Variants in SLC66A2 observed in about 807,000 individuals in gnomAD.
SLC66A2 encodes PQ loop repeat containing 1.
A neutral mutation model predicts 25.5 loss-of-function variants in SLC66A2; 23 were observed. That is an observed-to-expected ratio of 0.90 (90% CI 0.65 to 1.28). SLC66A2 has a LOEUF of 1.28. SLC66A2 is among the 50% of genes most tolerant of loss of function. The probability of loss-of-function intolerance (pLI) is 0.00; values close to 1 mark genes in which losing one functional copy is unlikely to be tolerated. For missense variants in SLC66A2, 396 were observed against 373.1 expected (o/e 1.06, Z -0.51); for synonymous variants, 193 against 166.5 (o/e 1.16, Z -1.23).
chr18:79,905,013 C>T (rs1444252505), intron 5 of SLC66A2, among the ~76,000 whole-genome samples: 1 of 152,138 alleles, frequency 6.6e-6, no homozygotes, highest in Non-Finnish European at 1.5e-5. Flanking sequence ...ACCTGGGTGC[C>T]GTAGCCGCCC....
In SLC66A2 at chr18:79,950,999, C is replaced by T. The variant is rs954182066; in HGVS notation, c.-73G>A. 1 of 1,196,014 alleles carries T rather than the reference C, an allele frequency of 8.4e-7. No individual in the cohort carries two copies. The highest frequency in any genetic ancestry group is 1.1e-6 in the Non-Finnish European group (1 of 911,828). The allele number at this position is 1,196,014 out of a possible 1,614,324, so 74.1% of individuals were successfully genotyped here. On this transcript the variant is annotated 5_prime_UTR_variant, in exon 2 of 6. Transcript: ENST00000397778. Reference sequence around the variant, plus strand: ...GCCACCGGCCGCCTGCTCATCGCCGCTCCGCGCGCTCCTGCGGCCTCGGGG... The same window carrying T: ...GCCACCGGCCGCCTGCTCATCGCCGTTCCGCGCGCTCCTGCGGCCTCGGGG...
rs1334041551 is a variant in SLC66A2 at position 79,917,811 on chromosome 18, C to A, written c.608+1373G>T. ...TTCACTGTAATCACACCAACCAGGGCAGCCCAATCCCCACCTGCACCCCAC... is the reference window on the plus strand; with the variant it reads ...TTCACTGTAATCACACCAACCAGGGAAGCCCAATCCCCACCTGCACCCCAC... On this transcript the variant is annotated intron_variant, in intron 5 of 5. Coordinates refer to ENST00000397778, the MANE Select transcript of SLC66A2 (RefSeq NM_025078.5). The surrounding 1 kb of genome is among the most constrained non-coding windows in gnomAD (Gnocchi z 6.0). 2.0e-5 allele frequency among the ~76,000 whole-genome samples: 3 copies of A among 151,868 alleles called. No individual in the cohort carries two copies. Among genetic ancestry groups the A allele is most frequent in the African/African-American group, 7.3e-5 (3 of 41,312 alleles).
intron 2 of SLC66A2, chr18:79,943,724 G>A (rs1987920372): frequency 4.9e-6 from 2 of 410,464 alleles, no homozygotes; most frequent in Non-Finnish European, 8.8e-6. Context: ...CAGCAGGAAA[G>A]ATCCTGTGTC....
rs1173508969 is a variant in SLC66A2, at chr18:79,904,406, C to G, written c.609-223G>C. On this transcript the variant is annotated intron_variant, in intron 5 of 5. Transcript: ENST00000397778. The surrounding 1 kb of genome is among the most constrained non-coding windows in gnomAD (Gnocchi z 6.3). Reference sequence around the variant, plus strand: ...AGGGTGACCCAGGGGTCAGGGACACCCCAGGGGGCCAAAGGACACACCCTG... The same window carrying G: ...AGGGTGACCCAGGGGTCAGGGACACGCCAGGGGGCCAAAGGACACACCCTG... Among the ~76,000 whole-genome samples the G allele has an allele frequency of 6.6e-6, 1 of 151,882 alleles. No individual in the cohort carries two copies. The highest frequency in any genetic ancestry group is 1.5e-5 in the Non-Finnish European group (1 of 67,908).
At chr18:79,924,663 T>G (rs1482571608) in intron 4 of SLC66A2, among the ~76,000 whole-genome samples, 2 of 152,234 alleles carry the variant, frequency 1.3e-5, no homozygotes, top group East Asian at 3.8e-4. Context: ...AATAGAAAAT[T>G]TTAATGTATG....
At position 79,919,291 on chromosome 18, in the gene SLC66A2, G is replaced by A. The variant is rs367755489; in HGVS notation, c.501C>T (p.Ser167=). Residue 167 remains serine, a synonymous_variant, in exon 5 of 6, where the codon TCC becomes TCT. Transcript: ENST00000397778. ...AGYITYLSID[S]ALFVETLGFL... is the part of the protein sequence containing the mutation. ...AGCCCAGGGTCTCCACAAACAGGGC[G>A]GAGTCAATGGACAGGTAGGTGATGT... is the stretch of plus-strand genomic sequence containing the variant. The A allele has an allele frequency of 1.7e-5, 28 of 1,613,190 alleles. No homozygotes were observed. Among genetic ancestry groups the A allele is most frequent in the African/African-American group, 6.7e-5 (5 of 74,952 alleles).
At chr18:79,906,691 G>T (rs1982172352) in intron 5 of SLC66A2, among the ~76,000 whole-genome samples, 1 of 152,220 alleles carries the variant, frequency 6.6e-6, no homozygotes, top group Non-Finnish European at 1.5e-5. Context: ...ACGTTCACTT[G>T]GCTGTTGATG....
chr18:79,915,858 T>A (rs1430433161), intron 5 of SLC66A2: 1 of 152,788 alleles, frequency 6.5e-6, no homozygotes, highest in African/African-American at 2.4e-5. Context: ...CAAAGGACCA[T>A]GACCCCGGCT....
At chr18:79,942,481 C>T (rs1166551754) in intron 3 of SLC66A2, among the ~76,000 whole-genome samples, 2 of 152,170 alleles carry the variant, frequency 1.3e-5, no homozygotes, top group African/African-American at 4.8e-5. Context: ...GGAATAGAAA[C>T]ACAGGGACAC....
Position 79,913,496 on chromosome 18 carries a change from A to C in SLC66A2, c.608+5688T>G, listed in dbSNP as rs1388980891. Among the ~76,000 whole-genome samples the C allele has an allele frequency of 2.6e-5, 4 of 152,272 alleles. No homozygotes were observed. In the East Asian group the frequency reaches 7.7e-4, roughly 29 times the overall value. ...TTATCACATCTCATTACTGGTTCAGAAACTACAACCACGTAGTATTTTCTA... is the reference window on the plus strand; with the variant it reads ...TTATCACATCTCATTACTGGTTCAGCAACTACAACCACGTAGTATTTTCTA... On this transcript the variant is annotated intron_variant, in intron 5 of 5. Coordinates refer to ENST00000397778, the MANE Select transcript of SLC66A2 (RefSeq NM_025078.5).
In SLC66A2 at chr18:79,918,442, A is replaced by G. The variant is rs1284583716; in HGVS notation, c.608+742T>C. On this transcript the variant is annotated intron_variant, in intron 5 of 5. Transcript: ENST00000397778. This position sits in a 1 kb window ranked among gnomAD's most constrained non-coding sequence, Gnocchi z 4.0. Reference sequence around the variant, plus strand: ...GCCCGGGGGGGGGTCCCCAGTGAGGAGCGGGCACCGGGGAGGGTCCCCAGT... The same window carrying G: ...GCCCGGGGGGGGGTCCCCAGTGAGGGGCGGGCACCGGGGAGGGTCCCCAGT... Among the ~76,000 whole-genome samples, 16 of 127,210 alleles carry G rather than the reference A, an allele frequency of 1.3e-4. No individual in the cohort carries two copies. Among genetic ancestry groups the G allele is most frequent in the East Asian group, 2.3e-4 (1 of 4,402 alleles). 83.5% of individuals were successfully genotyped at this position (127,210 alleles called of 152,430 possible).
rs142298803 is a variant in SLC66A2 at position 79,903,032 on chromosome 18, G to C, written c.*944C>G. The C allele has an allele frequency of 3.3e-5, 5 of 151,106 alleles. No homozygotes were observed. The highest frequency in any genetic ancestry group is 7.4e-5 in the Non-Finnish European group (5 of 67,982). The allele number at this position is 151,106 out of a possible 1,614,324, so 9.4% of individuals were successfully genotyped here. On this transcript the variant is annotated 3_prime_UTR_variant, in exon 6 of 6. Transcript: ENST00000397778. ...AGGCGCCATCGGCCAGGACCTGCACGGCAGGGGCAGCCCCCTCCACTCCCT... is the reference window on the plus strand; with the variant it reads ...AGGCGCCATCGGCCAGGACCTGCACCGCAGGGGCAGCCCCCTCCACTCCCT...
chr18:79,939,860 G>A (rs1434720480), intron 3 of SLC66A2, among the ~76,000 whole-genome samples: 1 of 152,246 alleles, frequency 6.6e-6, no homozygotes, highest in East Asian at 1.9e-4. Context: ...CAACAATCCC[G>A]GTACTGGGTA....
At chr18:79,924,650 C>T (rs147367754) in intron 4 of SLC66A2, among the ~76,000 whole-genome samples, 7 of 152,072 alleles carry the variant, frequency 4.6e-5, no homozygotes, top group East Asian at 3.9e-4. Context: ...GAATGCATAA[C>T]GAAATAGAAA....
intron 4 of SLC66A2, among the ~76,000 whole-genome samples, chr18:79,929,984 C>T (rs1028286621): frequency 1.3e-5 from 2 of 152,018 alleles, no homozygotes; most frequent in African/African-American, 2.4e-5. Flanking sequence ...GGCACCGGCA[C>T]ATGCAGAATG....
rs1314550323 is a variant in SLC66A2, at chr18:79,918,282, A to C, written c.608+902T>G. 3.9e-5 allele frequency among the ~76,000 whole-genome samples: 6 copies of C among 152,210 alleles called. No individual in the cohort carries two copies. The highest frequency in any genetic ancestry group is 1.4e-4 in the African/African-American group (6 of 41,452). The stretch of plus-strand genomic sequence containing the variant: ...TCCAGGCTGTTTCCCACAAATAACA[A>C]ATCCAAGAATAACATTCCCTCCAAA... On this transcript the variant is annotated intron_variant, in intron 5 of 5. Coordinates refer to ENST00000397778, the MANE Select transcript of SLC66A2 (RefSeq NM_025078.5). This position sits in a 1 kb window ranked among gnomAD's most constrained non-coding sequence, Gnocchi z 4.0.
At chr18:79,926,350 C>T (rs1290642008) in intron 4 of SLC66A2, among the ~76,000 whole-genome samples, 2 of 152,074 alleles carry the variant, frequency 1.3e-5, no homozygotes, top group East Asian at 3.9e-4. Context: ...GAGCCCTTTC[C>T]AGTAATAAAC....
At chr18:79,911,453 A>G (rs946718923) in intron 5 of SLC66A2, among the ~76,000 whole-genome samples, 3 of 152,222 alleles carry the variant, frequency 2.0e-5, no homozygotes, top group African/African-American at 4.8e-5. Context: ...GGCCGGCAGG[A>G]CGTGCAGCTG....
chr18:79,927,666 C>G lies in SLC66A2; in HGVS notation c.391+6303G>C, dbSNP rs955663903. On this transcript the variant is annotated intron_variant, in intron 4 of 5. Transcript: ENST00000397778. The surrounding 1 kb of genome is among the most constrained non-coding windows in gnomAD (Gnocchi z 6.2). Reference sequence around the variant, plus strand: ...CTCGGGGAGTGACAGAGCCCCCGCCCCAACCCCAGTGAGTGGGACAGGCTG... The same window carrying G: ...CTCGGGGAGTGACAGAGCCCCCGCCGCAACCCCAGTGAGTGGGACAGGCTG... Among the ~76,000 whole-genome samples, 1 of 152,142 alleles carries G rather than the reference C, an allele frequency of 6.6e-6. No individual in the cohort carries two copies. The highest frequency in any genetic ancestry group is 2.4e-5 in the African/African-American group (1 of 41,440).
Sources: gnomAD v4.1 joint callset for allele counts (sites outside exome capture counted in the v4.1 genomes callset) on GRCh38, gnomAD v4.1.1 for gene constraint, Gnocchi (gnomAD v3.1) non-coding constraint, MANE v1.5 for transcripts, NCBI Gene and HGNC (gene_info 2026-07-23, HGNC 2026-07-21) for gene names.